SLC10A7: variants seen among roughly 807,000 people sequenced by gnomAD.
The protein encoded by SLC10A7 is solute carrier family 10 member 7, also known as sodium/bile acid cotransporter 7.
In SLC10A7, 29 loss-of-function variants were observed where a neutral mutation model predicts 43.2. The observed-to-expected ratio is 0.67, with a 90% CI of 0.50 to 0.92. The LOEUF is 0.92. SLC10A7 is among the 40% of genes least tolerant of loss of function. SLC10A7 has a pLI of 0.00. For missense variants in SLC10A7, 295 were observed against 403.2 expected (o/e 0.73, Z 2.30); for synonymous variants, 152 against 144.8 (o/e 1.05, Z -0.35).
intron 4 of SLC10A7, 129 bp downstream of exon 4, chr4:146,503,720 T>C (rs559185477): frequency 1.4e-6 from 1 of 740,084 alleles, no homozygotes; most frequent in Non-Finnish European, 2.3e-6. Flanking sequence ...GTACACCTCC[T>C]TCTTTCACAA....
intron 5 of SLC10A7, among the ~76,000 whole-genome samples, chr4:146,331,010 T>A (rs1306407108): frequency 1.3e-5 from 2 of 152,200 alleles, no homozygotes; most frequent in African/African-American, 4.8e-5. Flanking sequence ...ATAAAATCTA[T>A]GCCTTCTTCA....
intron 5 of SLC10A7, among the ~76,000 whole-genome samples, chr4:146,364,838 C>G (rs1398735270): frequency 6.6e-6 from 1 of 152,030 alleles, no homozygotes; most frequent in East Asian, 1.9e-4. Context: ...ATCCCAATTA[C>G]CCTGATTTGA....
At chr4:146,281,938 ACTAC>A (rs1433876522) in intron 10 of SLC10A7, among the ~76,000 whole-genome samples, 3 of 152,170 alleles carry the variant, frequency 2.0e-5, no homozygotes, top group African/African-American at 7.2e-5. Context: ...TCATTTATTG[ACTAC>A]CTATTATCTA....
intron 10 of SLC10A7, among the ~76,000 whole-genome samples, chr4:146,277,627 C>A (rs1729289087): frequency 6.6e-6 from 1 of 152,124 alleles, no homozygotes; most frequent in Admixed American, 6.6e-5. Context: ...AGAACTGTAA[C>A]TCTGAAGGAA....
At chr4:146,333,898 A>G (rs1733704824) in intron 5 of SLC10A7, among the ~76,000 whole-genome samples, 2 of 152,114 alleles carry the variant, frequency 1.3e-5, no homozygotes, top group South Asian at 4.2e-4. Flanking sequence ...GAGGCTATTC[A>G]GGACTCCAGG....
chr4:146,301,532 A>G (rs950289006), intron 7 of SLC10A7, among the ~76,000 whole-genome samples: 4 of 152,202 alleles, frequency 2.6e-5, no homozygotes, highest in African/African-American at 9.7e-5. Flanking sequence ...TGGAGGCAGT[A>G]AAGACATTAG....
intron 5 of SLC10A7, among the ~76,000 whole-genome samples, chr4:146,350,336 C>T (rs1734967421): frequency 1.3e-5 from 2 of 151,380 alleles, no homozygotes; most frequent in Admixed American, 6.6e-5. Context: ...GCTTAAAAAA[C>T]GGCGCACCAC....
chr4:146,354,568 C>A (rs1056476059), intron 5 of SLC10A7, among the ~76,000 whole-genome samples: 4 of 147,946 alleles, frequency 2.7e-5, no homozygotes, highest in South Asian at 4.4e-4. Context: ...CAAAAAAGAG[C>A]CCGCATCGCC....
intron 3 of SLC10A7, among the ~76,000 whole-genome samples, chr4:146,505,611 G>A (rs1483163811): frequency 6.6e-6 from 1 of 152,012 alleles, no homozygotes; most frequent in Non-Finnish European, 1.5e-5. Context: ...CTCTGAAATA[G>A]GAAAAAAATG....
Position 146,496,253 on chromosome 4 carries a change from A to G in SLC10A7, c.396+7596T>C, listed in dbSNP as rs1283446101. On this transcript the variant is annotated intron_variant, in intron 4 of 11. Coordinates refer to ENST00000335472, the MANE Select transcript of SLC10A7 (RefSeq NM_001029998.6). ...ATACTGTAATATCACATTAAATGTA[A>G]GCTCCTCAAAGTCAGGCACTAGATT... Among the ~76,000 whole-genome samples, 12 of 152,186 alleles carry G rather than the reference A, an allele frequency of 7.9e-5. 1 individual carries two copies. Among genetic ancestry groups the G allele is most frequent in the Admixed American group, 7.9e-4 (12 of 15,278 alleles).
rs550657505 is a variant in SLC10A7 at position 146,254,723 on chromosome 4, C to G, written c.*1768G>C. 3 of 152,288 alleles carry G rather than the reference C, an allele frequency of 2.0e-5. No homozygotes were observed. The East Asian group carries it at 5.8e-4, about 29-fold the overall frequency. The allele number at this position is 152,288 out of a possible 1,614,324, so 9.4% of individuals were successfully genotyped here. ...ATAGGGCAGATAGATGACAGACAGA[C>G]AGACACTTCCATTTACTCCAAAATT... On this transcript the variant is annotated 3_prime_UTR_variant, in exon 12 of 12. Transcript: ENST00000335472.
At chr4:146,425,683 G>A (rs1729293956) in intron 5 of SLC10A7, among the ~76,000 whole-genome samples, 1 of 152,194 alleles carries the variant, frequency 6.6e-6, no homozygotes, top group Admixed American at 6.5e-5. Flanking sequence ...TTAAGGTATG[G>A]TGGGTCAATA....
At chr4:146,357,116 C>T (rs1735711220) in intron 5 of SLC10A7, among the ~76,000 whole-genome samples, 6 of 152,242 alleles carry the variant, frequency 3.9e-5, no homozygotes, top group Admixed American at 3.9e-4. Context: ...ACTTGTTAGG[C>T]ATTTACTTTG....
chr4:146,390,823 G>A (rs1007832974), intron 5 of SLC10A7, among the ~76,000 whole-genome samples: 1 of 151,744 alleles, frequency 6.6e-6, no homozygotes, highest in African/African-American at 2.4e-5. Flanking sequence ...AGTACTTCTT[G>A]CTTTTAATTC....
At chr4:146,339,917 A>G (rs1357177063) in intron 5 of SLC10A7, among the ~76,000 whole-genome samples, 6 of 149,896 alleles carry the variant, frequency 4.0e-5, no homozygotes, top group Admixed American at 4.0e-4. Flanking sequence ...CTATCAACCC[A>G]TCATCTAGGT....
intron 5 of SLC10A7, among the ~76,000 whole-genome samples, chr4:146,353,987 A>AT (rs1735352963): frequency 6.8e-6 from 1 of 147,740 alleles, no homozygotes; most frequent in South Asian, 2.2e-4. Flanking sequence ...CAAGACAGGG[A>AT]TGCCCTCTTT....
chr4:146,345,038 C>G (rs918824884), intron 5 of SLC10A7, among the ~76,000 whole-genome samples: 4 of 152,096 alleles, frequency 2.6e-5, no homozygotes, highest in Admixed American at 6.6e-5. Context: ...ATGCTTTCCT[C>G]TAAATACTGG....
intron 7 of SLC10A7, among the ~76,000 whole-genome samples, chr4:146,296,988 T>C (rs996558881): frequency 1.3e-5 from 2 of 152,176 alleles, no homozygotes; most frequent in Admixed American, 6.5e-5. Flanking sequence ...TAACCTTATA[T>C]GAAACAACAC....
intron 5 of SLC10A7, among the ~76,000 whole-genome samples, chr4:146,372,175 T>G (rs1736833798): frequency 6.6e-6 from 1 of 152,134 alleles, no homozygotes; most frequent in Admixed American, 6.6e-5. Context: ...CAAAGCTGGC[T>G]GGGTGCAGTA....
Sources: allele counts gnomAD v4.1 joint callset (sites outside exome capture counted in the v4.1 genomes callset), GRCh38; gene constraint gnomAD v4.1.1; transcripts MANE v1.5; gene names NCBI Gene and HGNC (gene_info 2026-07-23, HGNC 2026-07-21).